The following ADAM12 variants were observed in gnomAD, a reference collection of about 807,000 sequenced individuals.
The protein encoded by ADAM12 is disintegrin and metalloproteinase domain-containing protein 12.
In ADAM12, 70 loss-of-function variants were observed where a neutral mutation model predicts 106.4. The observed-to-expected ratio is 0.66, with a 90% CI of 0.54 to 0.80. ADAM12 has a LOEUF of 0.80. Among genes scored for constraint, ADAM12 ranks in the 30% least tolerant of loss-of-function variants. ADAM12 has a pLI of 0.00. For synonymous variants in ADAM12, 420 were observed against 433.5 expected, an observed-to-expected ratio of 0.97 and a Z score of 0.39; for missense variants, 1,010 against 1,171.9, an observed-to-expected ratio of 0.86 and a Z score of 2.02.
At chr10:126,150,447 C>G (rs1164383429) in intron 4 of ADAM12, among the ~76,000 whole-genome samples, 2 of 152,182 alleles carry the variant, frequency 1.3e-5, no homozygotes, top group Admixed American at 1.3e-4. Flanking sequence ...TCAACACAGA[C>G]AAACCAAGAC....
At position 126,027,415 on chromosome 10, in the gene ADAM12, T is replaced by TAA. The variant is rs35918077; in HGVS notation, c.2530-7592_2530-7591dup. Among the ~76,000 whole-genome samples the TAA allele has an allele frequency of 4.4e-3, 662 of 150,426 alleles. 10 individuals carry two copies. The highest frequency in any genetic ancestry group is 0.015 in the African/African-American group (616 of 41,158). ...TCCTGGTACCAACACCTGGGAGAGA[T>TAA]AAAAAAAAACCTCAGGCCAATATCC... On this transcript the variant is annotated intron_variant, in intron 21 of 22. Transcript: ENST00000448723.
At chr10:126,103,060 C>T (rs1955698694) in intron 8 of ADAM12, among the ~76,000 whole-genome samples, 1 of 152,178 alleles carries the variant, frequency 6.6e-6, no homozygotes, top group East Asian at 1.9e-4. Flanking sequence ...AGGAGTGTTG[C>T]ATGGAGCCAG....
In ADAM12 at chr10:126,310,281, G is replaced by A. The variant is rs184715258; in HGVS notation, c.186+20131C>T. 6.5e-4 allele frequency among the ~76,000 whole-genome samples: 99 copies of A among 152,240 alleles called. No homozygotes were observed. The South Asian group carries it at 9.6e-3, about 15-fold the overall frequency. On this transcript the variant is annotated intron_variant, in intron 2 of 22. Coordinates refer to ENST00000448723, the MANE Select transcript of ADAM12 (RefSeq NM_001288973.2). ...CCTGGGAGTTGCATACATTTAGAAG[G>A]CTGGTGGAGAACAGGAGTGGGAAAA...
chr10:126,071,381 CT>C, intron 12 of ADAM12, 95 bp downstream of exon 12: 1 of 1,457,470 alleles, frequency 6.9e-7, no homozygotes, highest in Non-Finnish European at 9.4e-7. Flanking sequence ...AGTTCTAGTA[CT>C]TTCATCTGGC....
rs899908784 is a variant in ADAM12 at position 126,388,341 on chromosome 10, C to CGTGT, written c.-200_-197dup. Reference sequence around the variant, plus strand: ...TTTCATTTTTAAAAAAGTTTCCCCCCGTGTGTGTGCGTGCGTGCGCGCGCG... The same window carrying CGTGT: ...TTTCATTTTTAAAAAAGTTTCCCCCCGTGTGTGTGTGTGCGTGCGTGCGCGCGCG... On this transcript the variant is annotated 5_prime_UTR_variant, in exon 1 of 23. Transcript: ENST00000448723. The surrounding 1 kb of genome is among the most constrained non-coding windows in gnomAD (Gnocchi z 4.4). 8.6e-6 allele frequency: 7 copies of CGTGT among 811,780 alleles called. No homozygotes were observed. The highest frequency in any genetic ancestry group is 8.4e-5 in the East Asian group (2 of 23,934). The allele number at this position is 811,780 out of a possible 1,614,324, so 50.3% of individuals were successfully genotyped here.
intron 22 of ADAM12, among the ~76,000 whole-genome samples, chr10:126,019,145 C>T (rs895672001): frequency 6.6e-6 from 1 of 152,124 alleles, no homozygotes. Context: ...GGCACCTCCC[C>T]TTTTTCTCTT....
In ADAM12 at chr10:126,085,843, G is replaced by C. The variant is rs1398041760; in HGVS notation, c.1145+8142C>G. On this transcript the variant is annotated intron_variant, in intron 11 of 22. Coordinates refer to ENST00000448723, the MANE Select transcript of ADAM12 (RefSeq NM_001288973.2). ...CTACTATGTGTCAGGCACTGTTCTAGGTGCTGGGGATTCAGCAATAAACAA... is the reference window on the plus strand; with the variant it reads ...CTACTATGTGTCAGGCACTGTTCTACGTGCTGGGGATTCAGCAATAAACAA... Among the ~76,000 whole-genome samples the C allele has an allele frequency of 2.6e-5, 4 of 152,196 alleles. No individual in the cohort carries two copies. In the East Asian group the frequency reaches 7.7e-4, roughly 29 times the overall value.
intron 4 of ADAM12, among the ~76,000 whole-genome samples, chr10:126,152,095 T>C (rs1055253371): frequency 8.1e-4 from 123 of 151,524 alleles, no homozygotes; most frequent in African/African-American, 2.9e-3. Flanking sequence ...TATTTAAATC[T>C]CCCACTCTGT....
At chr10:126,132,382 C>T (rs1956321656) in intron 5 of ADAM12, among the ~76,000 whole-genome samples, 1 of 152,150 alleles carries the variant, frequency 6.6e-6, no homozygotes, top group Non-Finnish European at 1.5e-5. Context: ...TTTCAGGCCC[C>T]AGAGAGGCAC....
At chr10:126,137,401 A>G (rs1956424949) in intron 4 of ADAM12, among the ~76,000 whole-genome samples, 1 of 152,252 alleles carries the variant, frequency 6.6e-6, no homozygotes, top group Non-Finnish European at 1.5e-5. Flanking sequence ...TTCACTTGCC[A>G]TAAAACTCAC....
intron 3 of ADAM12, among the ~76,000 whole-genome samples, chr10:126,262,106 G>A (rs1350527418): frequency 2.0e-5 from 3 of 152,060 alleles, no homozygotes; most frequent in Non-Finnish European, 4.4e-5. Context: ...ATTTGTTATT[G>A]GCTCAACCTA....
At chr10:126,325,033 C>T (rs1310963838) in intron 2 of ADAM12, among the ~76,000 whole-genome samples, 2 of 152,060 alleles carry the variant, frequency 1.3e-5, no homozygotes, top group Non-Finnish European at 2.9e-5. Flanking sequence ...AGAGGGACAT[C>T]ACCAGCGGGA....
At chr10:126,262,199 A>G (rs965637864) in intron 3 of ADAM12, among the ~76,000 whole-genome samples, 2 of 152,178 alleles carry the variant, frequency 1.3e-5, no homozygotes, top group African/African-American at 4.8e-5. Context: ...GAGTATGTAC[A>G]TATATTTATG....
chr10:126,361,641 C>T (rs1434282203), intron 1 of ADAM12, among the ~76,000 whole-genome samples: 4 of 152,082 alleles, frequency 2.6e-5, no homozygotes, highest in African/African-American at 4.8e-5. Flanking sequence ...CAAACATATA[C>T]GGTCAATTGA....
At chr10:126,332,132 C>T (rs554087466) in intron 1 of ADAM12, among the ~76,000 whole-genome samples, 4 of 152,318 alleles carry the variant, frequency 2.6e-5, no homozygotes, top group South Asian at 2.1e-4. Context: ...TTGTGTCCCA[C>T]GTGTTTACTC....
At chr10:126,193,895 A>G (rs1957548630) in intron 3 of ADAM12, among the ~76,000 whole-genome samples, 1 of 139,448 alleles carries the variant, frequency 7.2e-6, no homozygotes, top group Non-Finnish European at 1.5e-5. Context: ...CTGTCTCATG[A>G]AATAAAATGA....
At chr10:126,117,925 C>A in intron 6 of ADAM12, 113 bp downstream of exon 6, 1 of 1,227,684 alleles carries the variant, frequency 8.1e-7, no homozygotes, top group Non-Finnish European at 1.2e-6. Context: ...CACTTCCATC[C>A]CCCAGATGCC....
Position 126,155,384 on chromosome 10 carries a change from G to A in ADAM12, c.261-79C>T, listed in dbSNP as rs1956796684. On this transcript the variant is annotated intron_variant, in intron 3 of 22. Coordinates refer to ENST00000448723, the MANE Select transcript of ADAM12 (RefSeq NM_001288973.2). ...ATTGTTGTGAATGTCTAGGCTATAG[G>A]GTAGCAAGATTGTGACCTCCTTTTT... 19 of 1,340,090 alleles carry A rather than the reference G, an allele frequency of 1.4e-5. No individual in the cohort carries two copies. The South Asian group carries it at 2.4e-4, about 17-fold the overall frequency. The allele number at this position is 1,340,090 out of a possible 1,614,324, so 83.0% of individuals were successfully genotyped here.
Position 126,066,966 on chromosome 10 carries a change from G to T in ADAM12, c.1324-160C>A. ...TGTTTCCGTCTGTTAGGAAAGCAAA[G>T]CTTCTGCTTTTTATGAACCAACTGG... On this transcript the variant is annotated intron_variant, in intron 12 of 22. Coordinates refer to ENST00000448723, the MANE Select transcript of ADAM12 (RefSeq NM_001288973.2). This position sits in a 1 kb window ranked among gnomAD's most constrained non-coding sequence, Gnocchi z 5.1. 2 of 688,592 alleles carry T rather than the reference G, an allele frequency of 2.9e-6. No individual in the cohort carries two copies. The highest frequency in any genetic ancestry group is 5.0e-6 in the Non-Finnish European group (2 of 402,172). 42.7% of individuals were successfully genotyped at this position (688,592 alleles called of 1,614,324 possible).
Sources: allele counts gnomAD v4.1 joint callset (sites outside exome capture counted in the v4.1 genomes callset), GRCh38; gene constraint gnomAD v4.1.1; non-coding constraint Gnocchi (gnomAD v3.1); transcripts MANE v1.5; gene names NCBI Gene and HGNC (gene_info 2026-07-23, HGNC 2026-07-21).